OXSR1: variants seen among roughly 807,000 people sequenced by gnomAD.
OXSR1 encodes the protein serine/threonine-protein kinase OSR1.
In OXSR1, 24 loss-of-function variants were observed where a neutral mutation model predicts 79.8. The ratio of observed to expected loss-of-function variants is 0.30; its 90% confidence interval spans 0.22 to 0.42. The LOEUF (loss-of-function observed/expected upper bound fraction) is 0.42, where lower values mean the gene tolerates loss of function less well. Ranked by LOEUF, OXSR1 falls within the 10% of genes least tolerant of loss-of-function variation. The pLI is 1.00. For missense variants in OXSR1, 430 were observed against 618.4 expected (o/e 0.70, Z 3.23); for synonymous variants, 226 against 209.2 (o/e 1.08, Z -0.69).
Position 38,238,386 on chromosome 3 carries a change from A to G in OXSR1, c.1074+1425A>G, listed in dbSNP as rs35538766. On this transcript the variant is annotated intron_variant, in intron 11 of 17. Coordinates refer to ENST00000311806, the MANE Select transcript of OXSR1 (RefSeq NM_005109.3). ...GGAGAAAAATCTTATTTTTATTTTC[A>G]TAGATTCTGAAAAAGGCTTTGACAA... 9.9e-5 allele frequency among the ~76,000 whole-genome samples: 15 copies of G among 152,232 alleles called. No homozygotes were observed. The East Asian group carries it at 2.9e-3, about 29-fold the overall frequency.
intron 7 of OXSR1, 26 bp downstream of exon 7, chr3:38,223,939 C>A: frequency 1.4e-6 from 2 of 1,401,720 alleles, no homozygotes; most frequent in Non-Finnish European, 2.0e-6. Context: ...CAAATACTAC[C>A]CCAGCTCAAG....
intron 3 of OXSR1, among the ~76,000 whole-genome samples, chr3:38,196,346 G>A (rs1429759211): frequency 1.3e-5 from 2 of 152,094 alleles, no homozygotes; most frequent in East Asian, 1.9e-4. Context: ...TATAAACACC[G>A]TCATCGAGTT....
intron 6 of OXSR1, among the ~76,000 whole-genome samples, chr3:38,222,888 G>GT (rs1308840534): frequency 2.0e-5 from 3 of 151,934 alleles, no homozygotes; most frequent in East Asian, 1.9e-4. Context: ...GCAATTTTGT[G>GT]TTTTTTTCCT....
At chr3:38,226,733 C>G (rs377259531) in intron 8 of OXSR1, among the ~76,000 whole-genome samples, 2 of 151,710 alleles carry the variant, frequency 1.3e-5, no homozygotes, top group Non-Finnish European at 2.9e-5. Context: ...GATACCTGAC[C>G]AGCACTCTTC....
At chr3:38,185,741 G>A (rs1701872943) in intron 2 of OXSR1, among the ~76,000 whole-genome samples, 2 of 152,086 alleles carry the variant, frequency 1.3e-5, no homozygotes, top group African/African-American at 4.8e-5. Context: ...CTAGGAGTTC[G>A]AGGTTAGCCG....
At chr3:38,193,140 G>A in intron 3 of OXSR1, 1 of 468,056 alleles carries the variant, frequency 2.1e-6, no homozygotes, top group Non-Finnish European at 3.8e-6. Context: ...AGGAGTAAAT[G>A]AGATGATACA....
intron 4 of OXSR1, among the ~76,000 whole-genome samples, chr3:38,201,149 T>C (rs1026609713): frequency 1.1e-4 from 16 of 151,308 alleles, no homozygotes; most frequent in Non-Finnish European, 2.4e-4. Flanking sequence ...CAAGCATTCC[T>C]CCCACCTCAA....
chr3:38,242,685 C>T, intron 11 of OXSR1, 58 bp from the exon 12 acceptor site: 1 of 1,013,898 alleles, frequency 9.9e-7, no homozygotes, highest in Non-Finnish European at 1.5e-6. Flanking sequence ...CAGTTTGGGA[C>T]TGACTACAAG....
At chr3:38,246,264 A>G in intron 13 of OXSR1, 43 bp downstream of exon 13, 1 of 1,593,842 alleles carries the variant, frequency 6.3e-7, no homozygotes, top group Non-Finnish European at 8.6e-7. Context: ...CTTTGGATAG[A>G]TGAAAAGAGC....
Position 38,253,118 on chromosome 3 carries a change from T to G in OXSR1, c.*227T>G, listed in dbSNP as rs1409290630. The G allele has an allele frequency of 1.8e-6, 1 of 551,130 alleles. No individual in the cohort carries two copies. Among genetic ancestry groups the G allele is most frequent in the Non-Finnish European group, 3.2e-6 (1 of 309,164 alleles). 34.1% of individuals were successfully genotyped at this position (551,130 alleles called of 1,614,324 possible). On this transcript the variant is annotated 3_prime_UTR_variant, in exon 18 of 18. Transcript: ENST00000311806. ...CCCAGAGTTCCGTTAGTAAACTTAC[T>G]TCATATGTCCCCTGTCTTCCTCCAT...
chr3:38,252,934 G>T lies in OXSR1; in HGVS notation c.*43G>T. On this transcript the variant is annotated 3_prime_UTR_variant, in exon 18 of 18. Coordinates refer to ENST00000311806, the MANE Select transcript of OXSR1 (RefSeq NM_005109.3). ...GGCGGCCTAAGGAGATTCCACACAT[G>T]CGTATCTCTGTTGCTTCTATTGGCC... is the stretch of plus-strand genomic sequence containing the variant. 10 of 1,478,392 alleles carry T rather than the reference G, an allele frequency of 6.8e-6. No individual in the cohort carries two copies. Among genetic ancestry groups the T allele is most frequent in the Non-Finnish European group, 8.5e-6 (9 of 1,056,484 alleles). 91.6% of individuals were successfully genotyped at this position (1,478,392 alleles called of 1,614,324 possible).
chr3:38,166,017 G>A, intron 1 of OXSR1, 71 bp downstream of exon 1: 1 of 1,400,544 alleles, frequency 7.1e-7, no homozygotes, highest in Non-Finnish European at 1.0e-6. Context: ...GTGGGGAGCC[G>A]CGGGAGCTCG....
chr3:38,188,901 C>T (rs756608817), intron 2 of OXSR1, among the ~76,000 whole-genome samples: 6 of 152,140 alleles, frequency 3.9e-5, no homozygotes, highest in Non-Finnish European at 8.8e-5. Context: ...TAGTATTTGT[C>T]TAACTTCTTT....
At chr3:38,190,377 TA>T (rs1404160409) in intron 2 of OXSR1, among the ~76,000 whole-genome samples, 3 of 152,174 alleles carry the variant, frequency 2.0e-5, no homozygotes, top group African/African-American at 7.2e-5. Context: ...GTTTATTAGT[TA>T]ATATCTTTTA....
chr3:38,219,546 G>T (rs1384006), intron 5 of OXSR1, among the ~76,000 whole-genome samples: 1 of 151,790 alleles, frequency 6.6e-6, no homozygotes, highest in African/African-American at 2.4e-5. Context: ...CCTTAACAAC[G>T]ACCTTGTTAA....
chr3:38,229,237 G>A (rs1702755832), intron 8 of OXSR1, among the ~76,000 whole-genome samples: 1 of 152,208 alleles, frequency 6.6e-6, no homozygotes, highest in South Asian at 2.1e-4. Context: ...AAGGCTGGCA[G>A]GCTACCATGT....
At chr3:38,164,315 T>C (rs1053114096), upstream of OXSR1, among the ~76,000 whole-genome samples, 1 of 152,182 alleles carries the variant, frequency 6.6e-6, no homozygotes, top group African/African-American at 2.4e-5. Flanking sequence ...CCAGCGATTT[T>C]TCTGTATTTT....
rs566959392 is a variant in OXSR1, at chr3:38,254,911, T to C, written c.*2020T>C. On this transcript the variant is annotated 3_prime_UTR_variant, in exon 18 of 18. Coordinates refer to ENST00000311806, the MANE Select transcript of OXSR1 (RefSeq NM_005109.3). ...AGTGGGGCAGTCATGGCAAATAGAATTGGGCTGGGGTTTCTCCTTCTTTTC... is the reference window on the plus strand; with the variant it reads ...AGTGGGGCAGTCATGGCAAATAGAACTGGGCTGGGGTTTCTCCTTCTTTTC... The C allele has an allele frequency of 6.5e-6, 1 of 152,720 alleles. No homozygotes were observed. The highest frequency in any genetic ancestry group is 2.1e-4 in the South Asian group (1 of 4,822). The allele number at this position is 152,720 out of a possible 1,614,324, so 9.5% of individuals were successfully genotyped here. A position where few individuals can be genotyped will look rare whatever the true frequency, so the allele number is the denominator to read the frequency against.
rs532711918 is a variant in OXSR1 at position 38,166,550 on chromosome 3, T to C, written c.70+604T>C. ...GCTCACGCCTGTAATCCCACCACTTTGGGAGGCCGAGGCGGGCGGATCACG... is the reference window on the plus strand; with the variant it reads ...GCTCACGCCTGTAATCCCACCACTTCGGGAGGCCGAGGCGGGCGGATCACG... On this transcript the variant is annotated intron_variant, in intron 1 of 17. Coordinates refer to ENST00000311806, the MANE Select transcript of OXSR1 (RefSeq NM_005109.3). Among the ~76,000 whole-genome samples, 22 of 152,222 alleles carry C rather than the reference T, an allele frequency of 1.4e-4. No individual in the cohort carries two copies. In the East Asian group the frequency reaches 3.7e-3, roughly 25 times the overall value.
Sources: allele counts gnomAD v4.1 joint callset (sites outside exome capture counted in the v4.1 genomes callset), GRCh38; gene constraint gnomAD v4.1.1; transcripts MANE v1.5; gene names NCBI Gene and HGNC (gene_info 2026-07-23, HGNC 2026-07-21).